CDK15: variants seen among roughly 807,000 people sequenced by gnomAD.
CDK15 encodes cyclin-dependent kinase 15.
In CDK15, 62 loss-of-function variants were observed where a neutral mutation model predicts 60.3. The ratio of observed to expected loss-of-function variants is 1.03; its 90% CI spans 0.84 to 1.27. The LOEUF is 1.27. CDK15 is among the 50% of genes most tolerant of loss of function. The probability of loss-of-function intolerance (pLI) is 0.00; values close to 1 mark genes in which losing one functional copy is unlikely to be tolerated. For missense variants in CDK15, 541 were observed against 527.8 expected, an observed-to-expected ratio of 1.03 and a Z score of -0.25; for synonymous variants, 194 against 195.7, an observed-to-expected ratio of 0.99 and a Z score of 0.07.
intron 8 of CDK15, among the ~76,000 whole-genome samples, chr2:201,836,169 TTTATATATTA>T: frequency 1.0e-5 from 1 of 97,546 alleles, no homozygotes; most frequent in African/African-American, 3.6e-5. Context: ...TATTTATATA[TTTATATATTA>T]TATATATTTT....
At chr2:201,877,396 CA>C (rs1478282592) in intron 11 of CDK15, among the ~76,000 whole-genome samples, 1 of 152,130 alleles carries the variant, frequency 6.6e-6, no homozygotes, top group African/African-American at 2.4e-5. Context: ...TTGATAGATG[CA>C]TTGCTCCCCA....
chr2:201,833,211 A>AG (rs138633087), intron 6 of CDK15, among the ~76,000 whole-genome samples: 80,413 of 139,880 alleles, frequency 0.57, 23,900 homozygotes, highest in Admixed American at 0.68. Flanking sequence ...ATTTTTTTTG[A>AG]GGGGGGGGGT....
intron 11 of CDK15, among the ~76,000 whole-genome samples, chr2:201,876,354 C>CA (rs1699078326): frequency 1.3e-5 from 2 of 152,232 alleles, no homozygotes; most frequent in African/African-American, 4.8e-5. Context: ...ACTCTTTCCT[C>CA]AGCCTTGCAA....
rs186539124 is a variant in CDK15 at position 201,823,541 on chromosome 2, C to T, written c.544-124C>T. 5.1e-5 allele frequency: 43 copies of T among 851,120 alleles called. No individual in the cohort carries two copies. In the South Asian group the frequency reaches 5.8e-4, roughly 12 times the overall value. 52.7% of individuals were successfully genotyped at this position (851,120 alleles called of 1,614,324 possible). A position where few individuals can be genotyped will look rare whatever the true frequency, so the allele number is the denominator to read the frequency against. ...AGAAAACCTGGTTATATTCCTTTTG[C>T]ACCTTATTCTTAAAATTCTGTACTT... On this transcript the variant is annotated intron_variant, in intron 5 of 13. Transcript: ENST00000652192.
rs757384628 is a variant in CDK15 at position 201,847,443 on chromosome 2, A to G, written c.914A>G (p.Asn305Ser). Residue 305 changes from asparagine (N) to serine (S), a missense_variant, in exon 9 of 14, where the codon AAC becomes AGC. Physicochemically the swap from Asn to Ser is conservative, Grantham distance 46. Transcript: ENST00000652192. ...QGQPLFPGVS[N>S]ILEQLEKIWE... ...CAACCTTTGTTTCCTGGGGTTTCCA[A>G]CATCCTTGAACAGCTGGAGAAAATC... 9.3e-6 allele frequency: 15 copies of G among 1,613,974 alleles called. No homozygotes were observed. The highest frequency in any genetic ancestry group is 1.3e-5 in the African/African-American group (1 of 74,924).
chr2:201,875,330 G>A (rs1699036575), intron 11 of CDK15, among the ~76,000 whole-genome samples: 1 of 152,168 alleles, frequency 6.6e-6, no homozygotes, highest in African/African-American at 2.4e-5. Flanking sequence ...TAGGCTGCTG[G>A]CAGAAATGGA....
chr2:201,855,160 G>A (rs1308206627), intron 10 of CDK15, among the ~76,000 whole-genome samples: 1 of 152,174 alleles, frequency 6.6e-6, no homozygotes, highest in Non-Finnish European at 1.5e-5. Flanking sequence ...CAAGTAGCAA[G>A]CTGAATAGAA....
intron 9 of CDK15, among the ~76,000 whole-genome samples, chr2:201,848,386 A>C (rs1488446557): frequency 6.6e-6 from 1 of 152,076 alleles, no homozygotes; most frequent in African/African-American, 2.4e-5. Flanking sequence ...ATTGTGGTAA[A>C]ATATACAAAA....
chr2:201,890,421 G>A (rs1191349627), intron 12 of CDK15, among the ~76,000 whole-genome samples: 1 of 152,190 alleles, frequency 6.6e-6, no homozygotes, highest in East Asian at 1.9e-4. Context: ...TCTATGCTCT[G>A]TTTGTGCTCC....
intron 4 of CDK15, among the ~76,000 whole-genome samples, chr2:201,818,718 T>G (rs923468740): frequency 6.6e-6 from 1 of 152,182 alleles, no homozygotes; most frequent in African/African-American, 2.4e-5. Flanking sequence ...TATAACGATT[T>G]CAGTAGTTCT....
chr2:201,876,305 C>T (rs1351276138), intron 11 of CDK15, among the ~76,000 whole-genome samples: 2 of 152,202 alleles, frequency 1.3e-5, no homozygotes, highest in Non-Finnish European at 2.9e-5. Flanking sequence ...GTCAGTAAAT[C>T]AACATTTGTG....
At chr2:201,807,026 C>T (rs1401201951) in intron 1 of CDK15, among the ~76,000 whole-genome samples, 3 of 152,056 alleles carry the variant, frequency 2.0e-5, no homozygotes, top group South Asian at 2.1e-4. Flanking sequence ...GGCTTGAAGT[C>T]GAGAAAGTAG....
In CDK15 at chr2:201,822,821, A is replaced by G. The variant is rs1223173559; in HGVS notation, c.461A>G (p.Lys154Arg). ...FTAIREASLL[K>R]GLKHANIVLL... is the part of the protein sequence containing the mutation. Reference sequence around the variant, plus strand: ...TTAATTTTTCTAGCTTCTCTCCTGAAGGGTTTGAAACATGCCAATATTGTG... The same window carrying G: ...TTAATTTTTCTAGCTTCTCTCCTGAGGGGTTTGAAACATGCCAATATTGTG... Residue 154 changes from lysine (K) to arginine (R), a missense_variant, in exon 5 of 14, where the codon AAG becomes AGG. Physicochemically the swap from Lys to Arg is conservative, Grantham distance 26. Transcript: ENST00000652192. 1 of 1,607,280 alleles carries G rather than the reference A, an allele frequency of 6.2e-7. No individual in the cohort carries two copies. Among genetic ancestry groups the G allele is most frequent in the Non-Finnish European group, 8.5e-7 (1 of 1,174,102 alleles).
At chr2:201,874,865 C>T (rs1033888545) in intron 11 of CDK15, among the ~76,000 whole-genome samples, 4 of 152,186 alleles carry the variant, frequency 2.6e-5, no homozygotes, top group Admixed American at 6.5e-5. Flanking sequence ...TTAAAAAGTG[C>T]CTACTCTATC....
Position 201,894,073 on chromosome 2 carries a change from C to CCACCACACACA in CDK15, c.*809_*810insCACACACACAC, listed in dbSNP as rs1281326067. On this transcript the variant is annotated 3_prime_UTR_variant, in exon 14 of 14. Transcript: ENST00000652192. ...ATGTAATTTAAGCCCTGTTGCACCA[C>CCACCACACACA]CACACACACACACACACACACACAC... 12 of 144,416 alleles carry CCACCACACACA rather than the reference C, an allele frequency of 8.3e-5. No individual in the cohort carries two copies. Among genetic ancestry groups the CCACCACACACA allele is most frequent in the East Asian group, 6.1e-4 (3 of 4,922 alleles). The allele number at this position is 144,416 out of a possible 1,614,324, so 8.9% of individuals were successfully genotyped here. A position where few individuals can be genotyped will look rare whatever the true frequency, so the allele number is the denominator to read the frequency against.
At position 201,888,619 on chromosome 2, in the gene CDK15, T is replaced by A. The variant is rs534809423; in HGVS notation, c.1199-2166T>A. The A allele has an allele frequency of 3.0e-5, 42 of 1,417,570 alleles. No homozygotes were observed. In the South Asian group the frequency reaches 6.2e-4, roughly 21 times the overall value. 87.8% of individuals were successfully genotyped at this position (1,417,570 alleles called of 1,614,324 possible). ...CTTTCTTTCTTCCTCCTTTTTCTTT[T>A]TCTATGAGTTGGGAAGGAGAGTCTG... On this transcript the variant is annotated intron_variant, in intron 12 of 13. Coordinates refer to ENST00000652192, the MANE Select transcript of CDK15 (RefSeq NM_001366386.2).
chr2:201,856,860 G>A (rs1053158421), intron 10 of CDK15, among the ~76,000 whole-genome samples: 3 of 152,162 alleles, frequency 2.0e-5, no homozygotes, highest in African/African-American at 4.8e-5. Flanking sequence ...AATACAAAAT[G>A]TCTTGGTGAG....
At chr2:201,821,283 C>T (rs1290873886) in intron 4 of CDK15, among the ~76,000 whole-genome samples, 1 of 151,998 alleles carries the variant, frequency 6.6e-6, no homozygotes, top group Admixed American at 6.6e-5. Flanking sequence ...CTCTGATTGG[C>T]CAGCCCTGGG....
chr2:201,854,332 A>G (rs1271987331), intron 9 of CDK15, among the ~76,000 whole-genome samples: 1 of 152,166 alleles, frequency 6.6e-6, no homozygotes, highest in Non-Finnish European at 1.5e-5. Flanking sequence ...AAAAGACTAG[A>G]GTTAGTTTTG....
Sources: gnomAD v4.1 joint callset for allele counts (sites outside exome capture counted in the v4.1 genomes callset) on GRCh38, gnomAD v4.1.1 for gene constraint, MANE v1.5 for transcripts, NCBI Gene and HGNC (gene_info 2026-07-23, HGNC 2026-07-21) for gene names.